DCUN1D1: variants seen among roughly 807,000 people sequenced by gnomAD.
The protein encoded by DCUN1D1 is DCN1-like protein 1.
DCUN1D1 carries 3 observed loss-of-function variants against 39.0 expected under a neutral mutation model. The ratio of observed to expected loss-of-function variants is 0.08; its 90% CI spans 0.04 to 0.20. The LOEUF (loss-of-function observed/expected upper bound fraction) is 0.20, where lower values mean the gene tolerates loss of function less well. Ranked by LOEUF, DCUN1D1 falls within the 10% of genes least tolerant of loss-of-function variation. The pLI is 1.00. For missense variants in DCUN1D1, 158 were observed against 302.4 expected, an observed-to-expected ratio of 0.52 and a Z score of 3.54; for synonymous variants, 82 against 96.3, an observed-to-expected ratio of 0.85 and a Z score of 0.87.
In DCUN1D1 at chr3:182,947,134, G is replaced by A. The variant is rs958375701; in HGVS notation, c.700+104C>T. 22 of 616,932 alleles carry A rather than the reference G, an allele frequency of 3.6e-5. No individual in the cohort carries two copies. The South Asian group carries it at 4.8e-4, about 14-fold the overall frequency. 38.2% of individuals were successfully genotyped at this position (616,932 alleles called of 1,614,324 possible). A position where few individuals can be genotyped will look rare whatever the true frequency, so the allele number is the denominator to read the frequency against. The stretch of plus-strand genomic sequence containing the variant: ...ACAAAAACAAAACAAAAGCTCAGCG[G>A]AGGGAATTCCAACTCCGAGAAAAAC... On this transcript the variant is annotated intron_variant, in intron 6 of 6. Transcript: ENST00000292782.
chr3:182,969,583 A>G (rs1727833895), intron 1 of DCUN1D1, among the ~76,000 whole-genome samples: 1 of 152,240 alleles, frequency 6.6e-6, no homozygotes, highest in Admixed American at 6.5e-5. Flanking sequence ...TTTAAAGGGA[A>G]TAAACTAGAG....
intron 2 of DCUN1D1, among the ~76,000 whole-genome samples, chr3:182,964,600 T>C (rs1727569424): frequency 6.6e-6 from 1 of 151,276 alleles, no homozygotes; most frequent in South Asian, 2.1e-4. Context: ...GAGGCACTCA[T>C]AGACTGCTAT....
intron 4 of DCUN1D1, among the ~76,000 whole-genome samples, chr3:182,955,084 A>G (rs764559276): frequency 6.6e-6 from 1 of 151,902 alleles, no homozygotes; most frequent in Non-Finnish European, 1.5e-5. Flanking sequence ...CTTGCTGTCC[A>G]AAATGGAGTG....
intron 6 of DCUN1D1, among the ~76,000 whole-genome samples, chr3:182,946,282 G>C (rs1210046979): frequency 6.6e-6 from 1 of 152,140 alleles, no homozygotes; most frequent in East Asian, 1.9e-4. Context: ...AATAGGCTGG[G>C]CGCAGTGGCT....
intron 1 of DCUN1D1, among the ~76,000 whole-genome samples, chr3:182,969,457 A>AT (rs1163940429): frequency 6.6e-5 from 10 of 152,148 alleles, no homozygotes; most frequent in Non-Finnish European, 1.2e-4. Flanking sequence ...AAACAGATGG[A>AT]TTTTTTCTCT....
intron 4 of DCUN1D1, among the ~76,000 whole-genome samples, chr3:182,959,002 T>C (rs1727238133): frequency 6.6e-6 from 1 of 152,176 alleles, no homozygotes; most frequent in African/African-American, 2.4e-5. Flanking sequence ...ATCAAAATAT[T>C]GTACTACACT....
intron 2 of DCUN1D1, 75 bp downstream of exon 2, chr3:182,965,462 A>G: frequency 5.7e-6 from 5 of 881,148 alleles, no homozygotes; most frequent in African/African-American, 1.7e-5. Context: ...TATATATAGT[A>G]TTTCATTTCT....
intron 4 of DCUN1D1, among the ~76,000 whole-genome samples, chr3:182,953,114 T>C (rs2108632729): frequency 6.6e-6 from 1 of 152,332 alleles, no homozygotes; most frequent in East Asian, 1.9e-4. Flanking sequence ...GGCTTCTTTT[T>C]TCCTTTGGTC....
chr3:182,978,257 A>C (rs1164216081), intron 1 of DCUN1D1, among the ~76,000 whole-genome samples: 1 of 152,198 alleles, frequency 6.6e-6, no homozygotes, highest in Non-Finnish European at 1.5e-5. Flanking sequence ...AGACACCAAA[A>C]AACTCACAGC....
chr3:182,956,121 T>C (rs548494825), intron 4 of DCUN1D1: 97 of 181,492 alleles, frequency 5.3e-4, no homozygotes, highest in Admixed American at 8.6e-4. Flanking sequence ...AGAGATAGAG[T>C]TTCACCATGT....
chr3:182,976,760 AG>A (rs1394476371), intron 1 of DCUN1D1, among the ~76,000 whole-genome samples: 1 of 152,184 alleles, frequency 6.6e-6, no homozygotes, highest in Non-Finnish European at 1.5e-5. Flanking sequence ...CACCAGAGTG[AG>A]GATTTTTGTC....
intron 4 of DCUN1D1, among the ~76,000 whole-genome samples, chr3:182,950,550 C>T (rs988036544): frequency 6.6e-6 from 1 of 152,092 alleles, no homozygotes; most frequent in Non-Finnish European, 1.5e-5. Context: ...CACGGTCTCA[C>T]TCTGTAGCTC....
intron 4 of DCUN1D1, among the ~76,000 whole-genome samples, chr3:182,959,863 T>C (rs1304063562): frequency 6.6e-6 from 1 of 152,216 alleles, no homozygotes; most frequent in Non-Finnish European, 1.5e-5. Flanking sequence ...ATTCTCCTTT[T>C]GCAACAGTGA....
chr3:182,959,501 C>CAAAAAAAA (rs11373344), intron 4 of DCUN1D1, among the ~76,000 whole-genome samples: 4 of 81,132 alleles, frequency 4.9e-5, no homozygotes, highest in African/African-American at 9.7e-5. Flanking sequence ...CTTCAAAAAC[C>CAAAAAAAA]AAAAAAAAAA....
rs1438235812 is a variant in DCUN1D1 at position 182,940,712 on chromosome 3, G to A, written c.*4382C>T. 1 of 152,158 alleles carries A rather than the reference G, an allele frequency of 6.6e-6. No homozygotes were observed. Among genetic ancestry groups the A allele is most frequent in the Admixed American group, 6.6e-5 (1 of 15,262 alleles). 9.4% of individuals were successfully genotyped at this position (152,158 alleles called of 1,614,324 possible). A position where few individuals can be genotyped will look rare whatever the true frequency, so the allele number is the denominator to read the frequency against. On this transcript the variant is annotated 3_prime_UTR_variant, in exon 7 of 7. Coordinates refer to ENST00000292782, the MANE Select transcript of DCUN1D1 (RefSeq NM_020640.4). The stretch of plus-strand genomic sequence containing the variant: ...TGAAGGACAGCAGCCCCAAGTTACA[G>A]CTTCAAGACCAATGCTCTGAAGTAT...
chr3:182,945,722 A>G (rs145465460), intron 6 of DCUN1D1, among the ~76,000 whole-genome samples: 40 of 152,340 alleles, frequency 2.6e-4, no homozygotes, highest in Non-Finnish European at 4.4e-4. Context: ...GCCATCTCAC[A>G]AAGGAGATTA....
chr3:182,977,319 A>C (rs2108402059), intron 1 of DCUN1D1, among the ~76,000 whole-genome samples: 1 of 152,372 alleles, frequency 6.6e-6, no homozygotes, highest in South Asian at 2.1e-4. Context: ...AGGTCTAAAA[A>C]TTCTATGATG....
At chr3:182,948,298 A>C (rs1294354639) in intron 4 of DCUN1D1, among the ~76,000 whole-genome samples, 2 of 152,240 alleles carry the variant, frequency 1.3e-5, no homozygotes, top group Non-Finnish European at 2.9e-5. Flanking sequence ...AATTAATAAG[A>C]AACCAAGAAT....
At chr3:182,980,642 C>T, upstream of DCUN1D1, 1 of 970,388 alleles carries the variant, frequency 1.0e-6, no homozygotes, top group Non-Finnish European at 1.2e-6. Context: ...CCCCGGACCT[C>T]GGGGAGGCGG....
Sources: allele counts gnomAD v4.1 joint callset (sites outside exome capture counted in the v4.1 genomes callset), GRCh38; gene constraint gnomAD v4.1.1; transcripts MANE v1.5; gene names NCBI Gene and HGNC (gene_info 2026-07-23, HGNC 2026-07-21).